PITPNM3: variants seen among roughly 807,000 people sequenced by gnomAD.
PITPNM3 encodes the protein PITPNM family member 3, also known as membrane-associated phosphatidylinositol transfer protein 3.
In PITPNM3, 26 loss-of-function variants were observed where a neutral mutation model predicts 102.0. The ratio of observed to expected loss-of-function variants is 0.25; its 90% confidence interval spans 0.19 to 0.35. The LOEUF is 0.35. Among genes scored for constraint, PITPNM3 ranks in the 10% least tolerant of loss-of-function variants. PITPNM3 has a pLI of 1.00. For synonymous variants in PITPNM3, 578 were observed against 558.6 expected, an observed-to-expected ratio of 1.03 and a Z score of -0.49; for missense variants, 1,083 against 1,346.1, an observed-to-expected ratio of 0.80 and a Z score of 3.06.
chr17:6,509,307 G>C (rs1567681639), intron 3 of PITPNM3, among the ~76,000 whole-genome samples: 1 of 152,200 alleles, frequency 6.6e-6, no homozygotes, highest in Admixed American at 6.5e-5. Context: ...AAAGTGTGTG[G>C]CCAAGAACAG....
chr17:6,469,221 T>C lies in PITPNM3; in HGVS notation c.1774-880A>G, dbSNP rs73350118. Among the ~76,000 whole-genome samples, 699 of 152,278 alleles carry C rather than the reference T, an allele frequency of 4.6e-3. 7 individuals carry two copies. Among genetic ancestry groups the C allele is most frequent in the African/African-American group, 0.016 (665 of 41,554 alleles). On this transcript the variant is annotated intron_variant, in intron 13 of 19. Transcript: ENST00000262483. The surrounding 1 kb of genome is among the most constrained non-coding windows in gnomAD (Gnocchi z 4.0). ...CTCTGATGACACCCACATTTTTATCTGGAATCCTGATGTCTTCTCTAAGTT... is the reference window on the plus strand; with the variant it reads ...CTCTGATGACACCCACATTTTTATCCGGAATCCTGATGTCTTCTCTAAGTT...
chr17:6,503,595 C>T (rs774394703), intron 3 of PITPNM3, 21 bp from the exon 4 acceptor site: 2 of 1,605,306 alleles, frequency 1.2e-6, no homozygotes, highest in Non-Finnish European at 8.5e-7. Context: ...AGAAAAGAAA[C>T]ATGAGCAGAT....
chr17:6,466,138 G>C (rs970799981), intron 14 of PITPNM3, among the ~76,000 whole-genome samples: 8 of 152,146 alleles, frequency 5.3e-5, no homozygotes, highest in African/African-American at 1.7e-4. Context: ...CAGCCTCCAG[G>C]CCTTTGCTCA....
chr17:6,524,673 C>T (rs1479721455), intron 3 of PITPNM3, among the ~76,000 whole-genome samples: 1 of 152,190 alleles, frequency 6.6e-6, no homozygotes. Flanking sequence ...ATCCACATAT[C>T]TTGACTTATA....
rs1182596059 is a variant in PITPNM3 at position 6,451,911 on chromosome 17, A to C, written c.*3427T>G. The C allele has an allele frequency of 7.9e-6, 1 of 126,050 alleles. No homozygotes were observed. The highest frequency in any genetic ancestry group is 2.9e-5 in the African/African-American group (1 of 34,206). The allele number at this position is 126,050 out of a possible 1,614,324, so 7.8% of individuals were successfully genotyped here. ...GCCCGCCGATGGGATTCGGTGGGAA[A>C]GTTGGTTGTTTAAGGCGGGGTCAGG... On this transcript the variant is annotated 3_prime_UTR_variant, in exon 20 of 20. Coordinates refer to ENST00000262483, the MANE Select transcript of PITPNM3 (RefSeq NM_031220.4).
chr17:6,507,320 A>C (rs554110372), intron 3 of PITPNM3, among the ~76,000 whole-genome samples: 3 of 152,334 alleles, frequency 2.0e-5, no homozygotes, highest in Non-Finnish European at 4.4e-5. Context: ...ATGGTGGCTC[A>C]CGCCTGTAAA....
At chr17:6,507,456 T>C (rs1373590606) in intron 3 of PITPNM3, among the ~76,000 whole-genome samples, 5 of 152,034 alleles carry the variant, frequency 3.3e-5, no homozygotes, top group African/African-American at 1.2e-4. Flanking sequence ...TGGTGGCGCA[T>C]GCCTGTAATC....
intron 4 of PITPNM3, among the ~76,000 whole-genome samples, chr17:6,499,342 G>A (rs980124469): frequency 5.9e-5 from 9 of 152,212 alleles, no homozygotes; most frequent in African/African-American, 1.7e-4. Context: ...CCTCATACCT[G>A]CGCATGCCTG....
intron 3 of PITPNM3, among the ~76,000 whole-genome samples, chr17:6,513,013 G>A (rs7224387): frequency 0.69 from 104,943 of 151,432 alleles, 36,549 homozygotes; most frequent in African/African-American, 0.74. Flanking sequence ...TCGATGTAAC[G>A]TACCATATTG....
intron 1 of PITPNM3, among the ~76,000 whole-genome samples, chr17:6,540,913 C>G (rs530183838): frequency 6.6e-6 from 1 of 152,358 alleles, no homozygotes; most frequent in South Asian, 2.1e-4. Flanking sequence ...CCCGCCTCAG[C>G]TTCCCAAAGT....
chr17:6,470,151 A>T lies in PITPNM3; in HGVS notation c.1773+109T>A. The stretch of plus-strand genomic sequence containing the variant: ...TGCCTTCCTCATGCTCTTAGGATCA[A>T]GGCCAAAAGCTGAACAGTGTCTGCA... On this transcript the variant is annotated intron_variant, in intron 13 of 19. Coordinates refer to ENST00000262483, the MANE Select transcript of PITPNM3 (RefSeq NM_031220.4). This position sits in a 1 kb window ranked among gnomAD's most constrained non-coding sequence, Gnocchi z 4.8. 7.6e-7 allele frequency: 1 copy of T among 1,310,840 alleles called. No homozygotes were observed. The highest frequency in any genetic ancestry group is 1.1e-6 in the Non-Finnish European group (1 of 942,484). 81.2% of individuals were successfully genotyped at this position (1,310,840 alleles called of 1,614,324 possible). A position where few individuals can be genotyped will look rare whatever the true frequency, so the allele number is the denominator to read the frequency against.
At position 6,471,239 on chromosome 17, in the gene PITPNM3, G is replaced by A. The variant is rs141925905; in HGVS notation, c.1546C>T (p.Arg516Trp). ...TGGGAGCTCCCCTCGCTCATCCTCC[G>A]TCCTGGGCGCTGGAACCTCGAGGCC... is the stretch of plus-strand genomic sequence containing the variant. ...PQASRFQRPG[R>W]RMSEGSSHSE... Residue 516 changes from arginine (R) to tryptophan (W), a missense_variant, in exon 12 of 20, where the codon CGG becomes TGG. Around this residue, in one of 5 missense-constraint regions of PITPNM3, gnomAD observed 410 missense variants for 638.4 expected, o/e 0.64. Coordinates refer to ENST00000262483, the MANE Select transcript of PITPNM3 (RefSeq NM_031220.4). 62 of 1,613,308 alleles carry A rather than the reference G, an allele frequency of 3.8e-5. 1 individual carries two copies. In the African/African-American group the frequency reaches 5.3e-4, roughly 14 times the overall value.
Position 6,452,176 on chromosome 17 carries a change from TCCC to T in PITPNM3, c.*3159_*3161del. 1 of 152,144 alleles carries T rather than the reference TCCC, an allele frequency of 6.6e-6. No homozygotes were observed. Among genetic ancestry groups the T allele is most frequent in the Non-Finnish European group, 1.5e-5 (1 of 68,038 alleles). The allele number at this position is 152,144 out of a possible 1,614,324, so 9.4% of individuals were successfully genotyped here. ...AGCACCCAGACAAGAGGGCCGTTCATCCCAATGCATGAAAGGAGTCTGCTTTTT... is the reference window on the plus strand; with the variant it reads ...AGCACCCAGACAAGAGGGCCGTTCATAATGCATGAAAGGAGTCTGCTTTTT... On this transcript the variant is annotated 3_prime_UTR_variant, in exon 20 of 20. Coordinates refer to ENST00000262483, the MANE Select transcript of PITPNM3 (RefSeq NM_031220.4).
chr17:6,552,475 A>C (rs554569161), intron 1 of PITPNM3, among the ~76,000 whole-genome samples: 5 of 152,266 alleles, frequency 3.3e-5, no homozygotes, highest in African/African-American at 1.2e-4. Context: ...GCCTCTCTCC[A>C]GCTTCCCAGG....
At chr17:6,482,046 C>CTCTCTCTG (rs1905763577) in intron 6 of PITPNM3, among the ~76,000 whole-genome samples, 1 of 92,144 alleles carries the variant, frequency 1.1e-5, no homozygotes, top group Non-Finnish European at 2.6e-5. Context: ...GTCTGTCTCT[C>CTCTCTCTG]TCTCTCTCTC....
intron 1 of PITPNM3, among the ~76,000 whole-genome samples, chr17:6,543,799 G>C (rs1909860691): frequency 6.6e-6 from 1 of 152,172 alleles, no homozygotes; most frequent in Non-Finnish European, 1.5e-5. Flanking sequence ...GCAGGGACTG[G>C]CTAGGGTACC....
In PITPNM3 at chr17:6,455,134, G is replaced by T; in HGVS notation, c.*204C>A. ...TGGGAGGCAGCAGTGGCTGCACCGAGATCCCCGGACCTCACCCCGTCGCAG... is the reference window on the plus strand; with the variant it reads ...TGGGAGGCAGCAGTGGCTGCACCGATATCCCCGGACCTCACCCCGTCGCAG... On this transcript the variant is annotated 3_prime_UTR_variant, in exon 20 of 20. Transcript: ENST00000262483. The T allele has an allele frequency of 1.6e-6, 1 of 625,516 alleles. No homozygotes were observed. The allele number at this position is 625,516 out of a possible 1,614,324, so 38.7% of individuals were successfully genotyped here.
rs774973073 is a variant in PITPNM3 at position 6,453,354 on chromosome 17, G to T, written c.*1984C>A. On this transcript the variant is annotated 3_prime_UTR_variant, in exon 20 of 20. Coordinates refer to ENST00000262483, the MANE Select transcript of PITPNM3 (RefSeq NM_031220.4). ...TCAGGATATTTGGGGGAAGGATTAG[G>T]GTTGGGGTGGCTATGCCATATGAGC... 6.6e-6 allele frequency: 1 copy of T among 152,316 alleles called. No individual in the cohort carries two copies. The highest frequency in any genetic ancestry group is 1.5e-5 in the Non-Finnish European group (1 of 68,118). The allele number at this position is 152,316 out of a possible 1,614,324, so 9.4% of individuals were successfully genotyped here. A position where few individuals can be genotyped will look rare whatever the true frequency, so the allele number is the denominator to read the frequency against.
rs1192782494 is a variant in PITPNM3 at position 6,469,534 on chromosome 17, C to G, written c.1773+726G>C. On this transcript the variant is annotated intron_variant, in intron 13 of 19. Transcript: ENST00000262483. This position sits in a 1 kb window ranked among gnomAD's most constrained non-coding sequence, Gnocchi z 4.0. The stretch of plus-strand genomic sequence containing the variant: ...CAAGTGGGAAACAGGACGTACTGGG[C>G]TCCCGTCTTTCTCCTACAACGCAGA... Among the ~76,000 whole-genome samples the G allele has an allele frequency of 4.6e-5, 7 of 152,172 alleles. No individual in the cohort carries two copies. Among genetic ancestry groups the G allele is most frequent in the Non-Finnish European group, 1.0e-4 (7 of 68,030 alleles).
Sources: allele counts gnomAD v4.1 joint callset (sites outside exome capture counted in the v4.1 genomes callset), GRCh38; gene constraint gnomAD v4.1.1; regional missense constraint gnomAD v4.1.1; non-coding constraint Gnocchi (gnomAD v3.1); transcripts MANE v1.5; gene names NCBI Gene and HGNC (gene_info 2026-07-23, HGNC 2026-07-21).